Variants in CNTN4 observed in about 807,000 individuals in gnomAD.
CNTN4 encodes the protein contactin-4.
CNTN4 carries 77 observed loss-of-function variants against 122.5 expected under a neutral mutation model. The ratio of observed to expected loss-of-function variants is 0.63; its 90% CI spans 0.52 to 0.76. The LOEUF (loss-of-function observed/expected upper bound fraction) is 0.76, where lower values mean the gene tolerates loss of function less well. Ranked by LOEUF, CNTN4 falls within the 30% of genes least tolerant of loss-of-function variation. CNTN4 has a pLI of 0.00. For synonymous variants in CNTN4, 512 were observed against 447.0 expected (o/e 1.15, Z -1.83); for missense variants, 1,256 against 1,259.1 (o/e 1.00, Z 0.04).
Position 2,900,667 on chromosome 3 carries a change from C to CT in CNTN4, c.941-13dup. On this transcript the variant is annotated splice_polypyrimidine_tract_variant and intron_variant, in intron 10 of 24. Coordinates refer to ENST00000418658, the MANE Select transcript of CNTN4 (RefSeq NM_175607.3). ...CACACTGAATATACACCTTTCTTTG[C>CT]TTTTTGGATGCCTATAGCTCAACCT... is the stretch of plus-strand genomic sequence containing the variant. The CT allele has an allele frequency of 6.2e-7, 1 of 1,612,986 alleles. No individual in the cohort carries two copies. The highest frequency in any genetic ancestry group is 8.5e-7 in the Non-Finnish European group (1 of 1,179,104).
chr3:2,109,250 T>A (rs1174287749), intron 2 of CNTN4, among the ~76,000 whole-genome samples: 1 of 152,196 alleles, frequency 6.6e-6, no homozygotes, highest in East Asian at 1.9e-4. Flanking sequence ...ATTATTTTTA[T>A]TAATGAAATA....
At chr3:3,028,609 T>C (rs139343553) in intron 15 of CNTN4, among the ~76,000 whole-genome samples, 1 of 152,196 alleles carries the variant, frequency 6.6e-6, no homozygotes, top group African/African-American at 2.4e-5. Flanking sequence ...GGCATTTCCC[T>C]AAGGCCAATG....
At chr3:2,135,635 T>C (rs952918133) in intron 2 of CNTN4, among the ~76,000 whole-genome samples, 1 of 151,540 alleles carries the variant, frequency 6.6e-6, no homozygotes, top group African/African-American at 2.4e-5. Flanking sequence ...GGCAGAGCTT[T>C]TTGTTTGGGA....
intron 3 of CNTN4, among the ~76,000 whole-genome samples, chr3:2,539,398 A>T (rs764646281): frequency 6.6e-6 from 1 of 152,064 alleles, no homozygotes; most frequent in Admixed American, 6.6e-5. Context: ...TTCTCTGTCA[A>T]TTGGCACTAA....
chr3:2,958,940 C>T (rs1030248924), intron 13 of CNTN4, among the ~76,000 whole-genome samples: 1 of 152,086 alleles, frequency 6.6e-6, no homozygotes, highest in African/African-American at 2.4e-5. Flanking sequence ...TTGTCTTGCC[C>T]AAATAACTTG....
At chr3:2,265,239 T>G (rs1026803849) in intron 2 of CNTN4, among the ~76,000 whole-genome samples, 1 of 152,148 alleles carries the variant, frequency 6.6e-6, no homozygotes, top group Admixed American at 6.6e-5. Flanking sequence ...TGTAACATAT[T>G]TTCTTTATCC....
chr3:2,357,417 A>T (rs892337279), intron 3 of CNTN4, among the ~76,000 whole-genome samples: 2 of 152,218 alleles, frequency 1.3e-5, no homozygotes, highest in African/African-American at 2.4e-5. Flanking sequence ...TATTATGTCG[A>T]TTCCATGCTG....
In CNTN4 at chr3:2,902,996, A is replaced by C. The variant is rs536704165; in HGVS notation, c.1198A>C (p.Ser400Arg). Residue 400 changes from serine (S) to arginine (R), a missense_variant, in exon 12 of 25, where the codon AGT becomes CGT. Transcript: ENST00000418658. Reference sequence around the variant, plus strand: ...AGTTATCTTTTCCAACGCAGAGCTTAGTGTTATAGGTGAGTCTTTATACTG... The same window carrying C: ...AGTTATCTTTTCCAACGCAGAGCTTCGTGTTATAGGTGAGTCTTTATACTG... ...HGVIFSNAEL[S>R]VIAVGPDFSR... 2 of 1,613,788 alleles carry C rather than the reference A, an allele frequency of 1.2e-6. No individual in the cohort carries two copies. Among genetic ancestry groups the C allele is most frequent in the East Asian group, 4.5e-5 (2 of 44,830 alleles).
At chr3:2,566,284 T>G (rs1290424932) in intron 3 of CNTN4, among the ~76,000 whole-genome samples, 1 of 152,220 alleles carries the variant, frequency 6.6e-6, no homozygotes, top group Non-Finnish European at 1.5e-5. Context: ...AAGACATAGA[T>G]TTAAATACTG....
chr3:2,596,801 C>A (rs1362610386), intron 4 of CNTN4, among the ~76,000 whole-genome samples: 1 of 152,058 alleles, frequency 6.6e-6, no homozygotes, highest in Non-Finnish European at 1.5e-5. Context: ...CCATTCTATC[C>A]ATGTAATTTT....
intron 3 of CNTN4, among the ~76,000 whole-genome samples, chr3:2,470,070 CT>C (rs35030608): frequency 0.012 from 1,827 of 146,294 alleles, 41 homozygotes; most frequent in African/African-American, 0.041. Flanking sequence ...ATGTTGCTTT[CT>C]TTTTTTTTTT....
chr3:2,361,453 A>G (rs1559485867), intron 3 of CNTN4, among the ~76,000 whole-genome samples: 1 of 152,176 alleles, frequency 6.6e-6, no homozygotes, highest in Non-Finnish European at 1.5e-5. Context: ...GATGGCCTGT[A>G]CAAGAAAGAA....
At chr3:2,465,355 G>T (rs918008235) in intron 3 of CNTN4, among the ~76,000 whole-genome samples, 5 of 152,090 alleles carry the variant, frequency 3.3e-5, no homozygotes, top group African/African-American at 7.2e-5. Flanking sequence ...TGAAAAATGT[G>T]AGTGATGCCT....
intron 3 of CNTN4, among the ~76,000 whole-genome samples, chr3:2,413,238 T>C (rs540460183): frequency 6.6e-6 from 1 of 152,316 alleles, no homozygotes; most frequent in African/African-American, 2.4e-5. Context: ...CAGAGAGAGA[T>C]TGCTTCTTGA....
chr3:2,400,625 G>A (rs955704558), intron 3 of CNTN4, among the ~76,000 whole-genome samples: 2 of 150,110 alleles, frequency 1.3e-5, no homozygotes, highest in African/African-American at 2.4e-5. Flanking sequence ...GATGCAAAAT[G>A]TAGGTTTAGT....
intron 3 of CNTN4, among the ~76,000 whole-genome samples, chr3:2,474,500 C>T (rs1469010590): frequency 1.3e-5 from 2 of 152,048 alleles, no homozygotes; most frequent in African/African-American, 2.4e-5. Context: ...AGACATTGCC[C>T]TTAAGAAAAT....
intron 4 of CNTN4, among the ~76,000 whole-genome samples, chr3:2,703,626 C>A (rs932804797): frequency 2.6e-5 from 4 of 151,556 alleles, no homozygotes; most frequent in Non-Finnish European, 4.4e-5. Flanking sequence ...ATAGAAGGCC[C>A]AAACTAGAAA....
At chr3:2,280,749 G>A (rs2149893117) in intron 2 of CNTN4, among the ~76,000 whole-genome samples, 1 of 152,310 alleles carries the variant, frequency 6.6e-6, no homozygotes, top group Non-Finnish European at 1.5e-5. Context: ...TCAGTATGAA[G>A]TTTTGTACCT....
intron 6 of CNTN4, among the ~76,000 whole-genome samples, chr3:2,762,763 C>T (rs2090647840): frequency 6.6e-6 from 1 of 152,064 alleles, no homozygotes. Flanking sequence ...CTGTCTTCCA[C>T]AATGCTTGAA....
Sources: allele counts gnomAD v4.1 joint callset (sites outside exome capture counted in the v4.1 genomes callset), GRCh38; gene constraint gnomAD v4.1.1; transcripts MANE v1.5; gene names NCBI Gene and HGNC (gene_info 2026-07-23, HGNC 2026-07-21).